Variants in CPSF4 observed in about 807,000 individuals in gnomAD.
The protein encoded by CPSF4 is cleavage and polyadenylation specific factor 4.
A neutral mutation model predicts 37.7 loss-of-function variants in CPSF4; 11 were observed. The ratio of observed to expected loss-of-function variants is 0.29; its 90% CI spans 0.18 to 0.48. The LOEUF is 0.48. CPSF4 is among the 20% of genes least tolerant of loss of function. CPSF4 has a pLI of 0.99. For synonymous variants in CPSF4, 132 were observed against 135.9 expected (o/e 0.97, Z 0.20); for missense variants, 144 against 359.5 (o/e 0.40, Z 4.85).
chr7:99,441,737 G>A (rs1797005758), intron 1 of CPSF4, among the ~76,000 whole-genome samples: 1 of 151,750 alleles, frequency 6.6e-6, no homozygotes, highest in South Asian at 2.1e-4. Context: ...CTGTTACCCA[G>A]GCTGGAGCAC....
chr7:99,443,400 T>A (rs1797197212), intron 1 of CPSF4: 2 of 1,453,972 alleles, frequency 1.4e-6, no homozygotes, highest in Non-Finnish European at 1.9e-6. Flanking sequence ...GTGGATAAGA[T>A]CTTGCTTTAT....
chr7:99,451,515 G>C (rs146706987), intron 5 of CPSF4, among the ~76,000 whole-genome samples: 1 of 152,220 alleles, frequency 6.6e-6, no homozygotes, highest in Non-Finnish European at 1.5e-5. Flanking sequence ...TGAGGCAAAA[G>C]AATCACTTGA....
At position 99,444,457 on chromosome 7, in the gene CPSF4, CA is replaced by C. The variant is rs369493060; in HGVS notation, c.104-319del. ...AGGCAACTAGAGCGAAACCCCATCT[CA>C]AAAAAAAAAAAATTATTTCTGTGAT... On this transcript the variant is annotated intron_variant, in intron 1 of 7. Coordinates refer to ENST00000292476, the MANE Select transcript of CPSF4 (RefSeq NM_006693.4). Among the ~76,000 whole-genome samples, 1,029 of 143,750 alleles carry C rather than the reference CA, an allele frequency of 7.2e-3. 4 individuals are homozygous for C. The highest frequency in any genetic ancestry group is 9.3e-3 in the Non-Finnish European group (608 of 65,364). The allele number at this position is 143,750 out of a possible 152,430, so 94.3% of individuals were successfully genotyped here.
intron 1 of CPSF4, among the ~76,000 whole-genome samples, chr7:99,443,736 T>C (rs1015018624): frequency 2.6e-5 from 4 of 152,004 alleles, no homozygotes; most frequent in Non-Finnish European, 5.9e-5. Context: ...CTGGCCAACA[T>C]GGCAAAACCC....
At chr7:99,440,608 C>T (rs1369872391) in intron 1 of CPSF4, among the ~76,000 whole-genome samples, 2 of 144,400 alleles carry the variant, frequency 1.4e-5, no homozygotes, top group South Asian at 2.2e-4. Flanking sequence ...CCTTTTACCT[C>T]GGCCTTCGGA....
chr7:99,448,341 G>C lies in CPSF4; in HGVS notation c.307+68G>C, dbSNP rs1418958074. On this transcript the variant is annotated intron_variant, in intron 3 of 7. Transcript: ENST00000292476. This position sits in a 1 kb window ranked among gnomAD's most constrained non-coding sequence, Gnocchi z 4.4. ...TGCAGAGGGGTCCGCTGGCTGCTCA[G>C]TGCCCACACTGTCTCTGCCTGCTTT... 2 of 1,523,374 alleles carry C rather than the reference G, an allele frequency of 1.3e-6. No homozygotes were observed. Among genetic ancestry groups the C allele is most frequent in the African/African-American group, 2.8e-5 (2 of 72,684 alleles). The allele number at this position is 1,523,374 out of a possible 1,614,324, so 94.4% of individuals were successfully genotyped here.
intron 1 of CPSF4, among the ~76,000 whole-genome samples, chr7:99,444,514 C>T (rs1797314502): frequency 6.6e-6 from 1 of 152,072 alleles, no homozygotes; most frequent in South Asian, 2.1e-4. Context: ...TCCCCACCCA[C>T]TCTTAACTCC....
At position 99,448,051 on chromosome 7, in the gene CPSF4, T is replaced by C. The variant is rs1584502123; in HGVS notation, c.155-70T>C. The C allele has an allele frequency of 6.5e-7, 1 of 1,537,250 alleles. No individual in the cohort carries two copies. The highest frequency in any genetic ancestry group is 2.3e-5 in the East Asian group (1 of 44,366). On this transcript the variant is annotated intron_variant, in intron 2 of 7. Coordinates refer to ENST00000292476, the MANE Select transcript of CPSF4 (RefSeq NM_006693.4). The surrounding 1 kb of genome is among the most constrained non-coding windows in gnomAD (Gnocchi z 4.4). Reference sequence around the variant, plus strand: ...AGTTAGGAAGTGAAGGTACCTCAGCTTCTTCAGGCCGTGTCCCCCAGGCTC... The same window carrying C: ...AGTTAGGAAGTGAAGGTACCTCAGCCTCTTCAGGCCGTGTCCCCCAGGCTC...
chr7:99,442,963 T>A, intron 1 of CPSF4: 1 of 1,593,566 alleles, frequency 6.3e-7, no homozygotes, highest in Non-Finnish European at 8.6e-7. Flanking sequence ...GCTGAACTTG[T>A]GACAATCCCA....
intron 7 of CPSF4, 55 bp downstream of exon 7, chr7:99,454,191 T>C: frequency 2.1e-6 from 3 of 1,433,516 alleles, no homozygotes; most frequent in Non-Finnish European, 2.9e-6. Flanking sequence ...TCAGTGGCCA[T>C]TCCCTCATGC....
chr7:99,450,628 A>G (rs1263573031), intron 4 of CPSF4, 74 bp from the exon 5 acceptor site: 1 of 1,224,836 alleles, frequency 8.2e-7, no homozygotes, highest in Non-Finnish European at 1.2e-6. Context: ...GGGGACAGCC[A>G]GCATTTGAAA....
intron 2 of CPSF4, among the ~76,000 whole-genome samples, chr7:99,445,903 A>AAAAG (rs549716550): frequency 1.3e-5 from 2 of 152,202 alleles, no homozygotes; most frequent in African/African-American, 4.8e-5. Flanking sequence ...AAACAAAAAA[A>AAAAG]AAAGAAAGAA....
chr7:99,448,436 G>T lies in CPSF4; in HGVS notation c.307+163G>T. Reference sequence around the variant, plus strand: ...AGCCTCAGCCAGCTTTTAGGGGACAGTGTGGCTATTTTCTGCTCATCTCTT... The same window carrying T: ...AGCCTCAGCCAGCTTTTAGGGGACATTGTGGCTATTTTCTGCTCATCTCTT... On this transcript the variant is annotated intron_variant, in intron 3 of 7. Coordinates refer to ENST00000292476, the MANE Select transcript of CPSF4 (RefSeq NM_006693.4). The surrounding 1 kb of genome is among the most constrained non-coding windows in gnomAD (Gnocchi z 4.4). 5.3e-6 allele frequency: 3 copies of T among 563,378 alleles called. No individual in the cohort carries two copies. Among genetic ancestry groups the T allele is most frequent in the Non-Finnish European group, 9.0e-6 (3 of 334,662 alleles). The allele number at this position is 563,378 out of a possible 1,614,324, so 34.9% of individuals were successfully genotyped here. A position where few individuals can be genotyped will look rare whatever the true frequency, so the allele number is the denominator to read the frequency against.
intron 4 of CPSF4, 149 bp from the exon 5 acceptor site, chr7:99,450,545 GGTGGTCCA>G: frequency 1.3e-6 from 1 of 758,980 alleles, no homozygotes; most frequent in Non-Finnish European, 2.2e-6. Flanking sequence ...CTGGGTGGGT[GGTGGTCCA>G]CCCGCTTTTT....
At chr7:99,441,490 G>A (rs1292561869) in intron 1 of CPSF4, 2 of 456,206 alleles carry the variant, frequency 4.4e-6, no homozygotes, top group Non-Finnish European at 8.8e-6. Flanking sequence ...TCCATATCCT[G>A]TTCAGTTAAA....
chr7:99,447,511 C>T (rs1230193357), intron 2 of CPSF4, among the ~76,000 whole-genome samples: 1 of 151,742 alleles, frequency 6.6e-6, no homozygotes, highest in Non-Finnish European at 1.5e-5. Flanking sequence ...ACCTCGTGAT[C>T]TACCCACCTC....
At chr7:99,455,350 A>ACAGC in intron 7 of CPSF4, among the ~76,000 whole-genome samples, 1 of 152,286 alleles carries the variant, frequency 6.6e-6, no homozygotes, top group Non-Finnish European at 1.5e-5. Flanking sequence ...TGTTAGCCCT[A>ACAGC]CAGCCCATCG....
At chr7:99,439,235 C>G in intron 1 of CPSF4, 50 bp downstream of exon 1, 1 of 1,393,482 alleles carries the variant, frequency 7.2e-7, no homozygotes, top group Non-Finnish European at 9.8e-7. Flanking sequence ...AACCCGGGAC[C>G]CGCTCCTCTG....
intron 5 of CPSF4, among the ~76,000 whole-genome samples, chr7:99,451,251 C>A (rs1453118049): frequency 6.6e-6 from 1 of 152,200 alleles, no homozygotes; most frequent in Non-Finnish European, 1.5e-5. Context: ...CAGCAGCACA[C>A]TGAGGCACAG....
Sources: allele counts gnomAD v4.1 joint callset (sites outside exome capture counted in the v4.1 genomes callset), GRCh38; gene constraint gnomAD v4.1.1; non-coding constraint Gnocchi (gnomAD v3.1); transcripts MANE v1.5; gene names NCBI Gene and HGNC (gene_info 2026-07-23, HGNC 2026-07-21).